Variants in REV3L observed in about 807,000 individuals in gnomAD.
REV3L encodes the protein REV3 like, DNA directed polymerase zeta catalytic subunit, also known as DNA polymerase zeta catalytic subunit.
A neutral mutation model predicts 299.4 loss-of-function variants in REV3L; 69 were observed. The ratio of observed to expected loss-of-function variants is 0.23; its 90% CI spans 0.19 to 0.28. REV3L has a LOEUF of 0.28. Among genes scored for constraint, REV3L ranks in the 10% least tolerant of loss-of-function variants. The probability of loss-of-function intolerance (pLI) is 1.00; values close to 1 mark genes in which losing one functional copy is unlikely to be tolerated. For missense variants in REV3L, 3,128 were observed against 3,693.8 expected, an observed-to-expected ratio of 0.85 and a Z score of 3.97; for synonymous variants, 1,238 against 1,271.4, an observed-to-expected ratio of 0.97 and a Z score of 0.56.
At chr6:111,322,971 A>T (rs1774352605) in intron 25 of REV3L, among the ~76,000 whole-genome samples, 1 of 151,982 alleles carries the variant, frequency 6.6e-6, no homozygotes, top group Non-Finnish European at 1.5e-5. Flanking sequence ...TTCTTGGAAG[A>T]ATAATCCTTC....
At chr6:111,436,732 T>C (rs140306769) in intron 1 of REV3L, among the ~76,000 whole-genome samples, 2 of 152,266 alleles carry the variant, frequency 1.3e-5, no homozygotes, top group East Asian at 1.9e-4. Flanking sequence ...AGGGTGACTA[T>C]AGTTTACAAT....
chr6:111,403,453 A>G (rs1783299082), intron 4 of REV3L, among the ~76,000 whole-genome samples: 1 of 152,224 alleles, frequency 6.6e-6, no homozygotes, highest in Non-Finnish European at 1.5e-5. Context: ...CATTTTTACA[A>G]GAGCATGTGT....
At chr6:111,329,972 G>T (rs1775223291) in intron 24 of REV3L, among the ~76,000 whole-genome samples, 1 of 152,164 alleles carries the variant, frequency 6.6e-6, no homozygotes, top group South Asian at 2.1e-4. Flanking sequence ...GCACTTCTAT[G>T]TGAGTTCAGA....
intron 30 of REV3L, among the ~76,000 whole-genome samples, chr6:111,309,000 GC>G (rs1772653422): frequency 6.6e-6 from 1 of 152,192 alleles, no homozygotes; most frequent in Non-Finnish European, 1.5e-5. Context: ...CTTCTTCAGT[GC>G]CCCGCTGCTC....
At chr6:111,430,571 C>A (rs1305396707) in intron 1 of REV3L, 4 of 1,566,450 alleles carry the variant, frequency 2.6e-6, no homozygotes, top group Non-Finnish European at 3.5e-6. Context: ...TCATGGCTGA[C>A]TTGCAGAAAA....
In REV3L at chr6:111,307,547, C is replaced by T. The variant is rs201353524; in HGVS notation, c.9066G>A (p.Ser3022=). The T allele has an allele frequency of 2.3e-4, 367 of 1,614,124 alleles. 1 individual carries two copies. In the South Asian group the frequency reaches 3.7e-3, roughly 16 times the overall value. ...LPRIHKATSS[S]RSEPEGRKGT... is the part of the protein sequence containing the mutation. ...CTTTCCGCCCTTCAGGTTCACTTCG[C>T]GAGGAGCTGGTAGCTTTATGGATCT... Residue 3022 remains serine, a synonymous_variant, in exon 31 of 32, where the codon TCG becomes TCA. Coordinates refer to ENST00000368802, the MANE Select transcript of REV3L (RefSeq NM_001372078.1).
chr6:111,311,374 A>C, intron 28 of REV3L, 115 bp from the exon 29 acceptor site: 2 of 618,340 alleles, frequency 3.2e-6, no homozygotes, highest in Non-Finnish European at 5.3e-6. Flanking sequence ...TACCTAAATA[A>C]TCTGTTACTT....
chr6:111,472,513 T>C (rs1453120075), intron 1 of REV3L, among the ~76,000 whole-genome samples: 1 of 151,384 alleles, frequency 6.6e-6, no homozygotes, highest in African/African-American at 2.4e-5. Context: ...TGCCCCAAAG[T>C]AAATTGAGCT....
In REV3L at chr6:111,482,739, C is replaced by T. The variant is rs1793918883; in HGVS notation, c.139+11G>A. 15 of 1,370,294 alleles carry T rather than the reference C, an allele frequency of 1.1e-5. No individual in the cohort carries two copies. Among genetic ancestry groups the T allele is most frequent in the Non-Finnish European group, 1.4e-5 (15 of 1,054,342 alleles). The allele number at this position is 1,370,294 out of a possible 1,614,324, so 84.9% of individuals were successfully genotyped here. A position where few individuals can be genotyped will look rare whatever the true frequency, so the allele number is the denominator to read the frequency against. ...ACTCCCGCTCCCGCCCCGCGCCCGG[C>T]GCCCGCTTACCTGCCGGGGTCGCTC... On this transcript the variant is annotated intron_variant, in intron 1 of 31. Transcript: ENST00000368802.
At chr6:111,478,339 T>C (rs1204067893) in intron 1 of REV3L, among the ~76,000 whole-genome samples, 1 of 152,174 alleles carries the variant, frequency 6.6e-6, no homozygotes, top group Non-Finnish European at 1.5e-5. Flanking sequence ...AAAGCTGTTC[T>C]TAAGGCACTT....
chr6:111,376,582 G>C lies in REV3L; in HGVS notation c.1773C>G (p.Asn591Lys). The change falls in exon 13 of 32, where the codon AAC (asparagine) becomes AAG (lysine). Residue 591 changes from asparagine (N) to lysine (K), a missense_variant. Around this residue, in one of 9 missense-constraint regions of REV3L, gnomAD observed 2,409 missense variants for 2,611.8 expected, o/e 0.92. Transcript: ENST00000368802. ...AAAGGTCTTCAATTAAATCTTCCTT[G>C]TTCAAAACATGGGAAGAAAGGGCAC... The part of the protein sequence containing the change: ...HTSALSSHVL[N>K]KEDLIEDLSQ... The C allele has an allele frequency of 6.2e-7, 1 of 1,613,118 alleles. No homozygotes were observed. Among genetic ancestry groups the C allele is most frequent in the Non-Finnish European group, 8.5e-7 (1 of 1,179,738 alleles).
At position 111,333,253 on chromosome 6, in the gene REV3L, T is replaced by C; in HGVS notation, c.7795A>G (p.Met2599Val). 6.2e-7 allele frequency: 1 copy of C among 1,614,122 alleles called. No individual in the cohort carries two copies. Among genetic ancestry groups the C allele is most frequent in the East Asian group, 2.2e-5 (1 of 44,860 alleles). Residue 2599 changes from methionine (M) to valine (V), a missense_variant, in exon 23 of 32, where the codon ATG (methionine) becomes GTG (valine). Met to Val is a conservative substitution (Grantham distance 21). Coordinates refer to ENST00000368802, the MANE Select transcript of REV3L (RefSeq NM_001372078.1). ...CTATAGAAGCGGGATTCAGGCTCCA[T>C]AATTAGAGGAACACACTGTGGGGCT... ...MRAPQCVPLIMEPESRFYSNS... is the reference protein window; with the variant it reads ...MRAPQCVPLIVEPESRFYSNS...
At chr6:111,307,597 G>A in intron 30 of REV3L, 27 bp from the exon 31 acceptor site, 3 of 1,604,004 alleles carry the variant, frequency 1.9e-6, no homozygotes, top group Non-Finnish European at 2.6e-6. Flanking sequence ...TCAGAAGTAA[G>A]CCTGAGTCAG....
At chr6:111,411,254 A>T (rs1295015454) in intron 3 of REV3L, among the ~76,000 whole-genome samples, 1 of 152,148 alleles carries the variant, frequency 6.6e-6, no homozygotes, top group Non-Finnish European at 1.5e-5. Flanking sequence ...TACTTCTACG[A>T]ACTCTCTAAT....
intron 1 of REV3L, among the ~76,000 whole-genome samples, chr6:111,442,824 T>C (rs1011418959): frequency 6.6e-6 from 1 of 152,200 alleles, no homozygotes; most frequent in African/African-American, 2.4e-5. Context: ...AGATTTTTCT[T>C]GGCTGCTTTA....
chr6:111,323,972 A>T (rs1231065733), intron 25 of REV3L, among the ~76,000 whole-genome samples: 1 of 152,098 alleles, frequency 6.6e-6, no homozygotes, highest in Non-Finnish European at 1.5e-5. Context: ...AGTAGAAACG[A>T]GTTGGGATTT....
intron 1 of REV3L, among the ~76,000 whole-genome samples, chr6:111,456,502 T>C (rs1005639101): frequency 6.6e-6 from 1 of 152,198 alleles, no homozygotes; most frequent in Non-Finnish European, 1.5e-5. Flanking sequence ...CAATATCAAC[T>C]TGGAGATGTC....
At position 111,373,795 on chromosome 6, in the gene REV3L, A is replaced by G. The variant is rs1396959413; in HGVS notation, c.4560T>C (p.Phe1520=). 6.2e-7 allele frequency: 1 copy of G among 1,614,134 alleles called. No homozygotes were observed. Among genetic ancestry groups the G allele is most frequent in the Non-Finnish European group, 8.5e-7 (1 of 1,179,990 alleles). The part of the protein sequence containing the change: ...KNRNVSTPSA[F]GEGQSGLAVL... ...CTGCCAGTCCAGACTGTCCTTCACC[A>G]AATGCTGAAGGTGTTGACACATTTC... The change falls in exon 13 of 32, where the codon TTT becomes TTC. Residue 1520 remains phenylalanine (F), a synonymous_variant. Transcript: ENST00000368802.
intron 1 of REV3L, among the ~76,000 whole-genome samples, chr6:111,464,173 G>A (rs757198611): frequency 1.3e-5 from 2 of 151,758 alleles, no homozygotes; most frequent in Non-Finnish European, 2.9e-5. Context: ...ATATACCAGC[G>A]AACTGTGCAA....
Sources: allele counts gnomAD v4.1 joint callset (sites outside exome capture counted in the v4.1 genomes callset), GRCh38; gene constraint gnomAD v4.1.1; regional missense constraint gnomAD v4.1.1; transcripts MANE v1.5; gene names NCBI Gene and HGNC (gene_info 2026-07-23, HGNC 2026-07-21).